Variants in ARHGAP25 observed in about 807,000 individuals in gnomAD.
ARHGAP25 encodes Rho GTPase activating protein 25, also known as rho GTPase-activating protein 25.
ARHGAP25 carries 34 observed loss-of-function variants against 71.0 expected under a neutral mutation model. The observed-to-expected ratio is 0.48, with a 90% CI of 0.36 to 0.64. ARHGAP25 has a LOEUF of 0.64. Ranked by LOEUF, ARHGAP25 falls within the 30% of genes least tolerant of loss-of-function variation. The pLI, the probability that ARHGAP25 is intolerant of heterozygous loss-of-function variation, is 0.00. For missense variants in ARHGAP25, 706 were observed against 805.1 expected, an observed-to-expected ratio of 0.88 and a Z score of 1.49; for synonymous variants, 282 against 296.5, an observed-to-expected ratio of 0.95 and a Z score of 0.50.
chr2:68,773,163 G>A (rs376325886), intron 1 of ARHGAP25, among the ~76,000 whole-genome samples: 24 of 152,286 alleles, frequency 1.6e-4, no homozygotes, highest in African/African-American at 5.5e-4. Flanking sequence ...ATATTGGACC[G>A]AAGGATGAAA....
chr2:68,737,422 GT>G (rs1158991331), intron 1 of ARHGAP25, among the ~76,000 whole-genome samples: 1 of 152,220 alleles, frequency 6.6e-6, no homozygotes, highest in East Asian at 1.9e-4. Context: ...GGGTTGGATA[GT>G]TTTTTGTTGT....
chr2:68,810,553 C>A, intron 5 of ARHGAP25, among the ~76,000 whole-genome samples: 1 of 152,072 alleles, frequency 6.6e-6, no homozygotes, highest in Non-Finnish European at 1.5e-5. Flanking sequence ...TAATTTTGCT[C>A]TTTTATTATA....
chr2:68,816,529 G>A (rs560838623), intron 7 of ARHGAP25, 167 bp downstream of exon 7: 31 of 635,850 alleles, frequency 4.9e-5, no homozygotes, highest in Non-Finnish European at 8.3e-5. Context: ...TAATTTCAAG[G>A]ATTCTGAAAA....
At chr2:68,729,553 A>G (rs1174500233) in intron 2 of ARHGAP25, among the ~76,000 whole-genome samples, 1 of 152,252 alleles carries the variant, frequency 6.6e-6, no homozygotes, top group African/African-American at 2.4e-5. Context: ...ACACATTAAA[A>G]AATAACTTTA....
chr2:68,769,032 C>T (rs962033418), intron 1 of ARHGAP25, among the ~76,000 whole-genome samples: 1 of 152,138 alleles, frequency 6.6e-6, no homozygotes, highest in African/African-American at 2.4e-5. Flanking sequence ...AAACCCCAGA[C>T]CTCACAAAAA....
At chr2:68,742,098 G>A (rs928819289) in intron 1 of ARHGAP25, among the ~76,000 whole-genome samples, 4 of 152,110 alleles carry the variant, frequency 2.6e-5, no homozygotes, top group South Asian at 2.1e-4. Context: ...GACAGCTGCC[G>A]CACTGTCTCC....
intron 1 of ARHGAP25, among the ~76,000 whole-genome samples, chr2:68,758,664 A>G (rs1676626942): frequency 6.6e-6 from 1 of 151,916 alleles, no homozygotes; most frequent in African/African-American, 2.4e-5. Context: ...ATAATGTTGG[A>G]GACTTCAATA....
At chr2:68,790,893 T>C (rs1679127184) in intron 4 of ARHGAP25, among the ~76,000 whole-genome samples, 1 of 152,156 alleles carries the variant, frequency 6.6e-6, no homozygotes, top group Admixed American at 6.5e-5. Flanking sequence ...CAGTGCACAG[T>C]CTGCCCACCG....
chr2:68,822,533 T>C lies in ARHGAP25; in HGVS notation c.1394T>C (p.Ile465Thr). 2 of 1,614,070 alleles carry C rather than the reference T, an allele frequency of 1.2e-6. No individual in the cohort carries two copies. The highest frequency in any genetic ancestry group is 1.7e-6 in the Non-Finnish European group (2 of 1,180,012). The stretch of plus-strand genomic sequence containing the variant: ...GGTGCCAACAGCAGCAAAATGGAGA[T>C]CTTTAAAAATGAATTCTGGTCGCCT... ...FQGANSSKME[I>T]FKNEFWSPSS... Residue 465 changes from isoleucine (I) to threonine (T), a missense_variant, in exon 10 of 11, where the codon ATC becomes ACC. By Grantham distance (89) the Ile-to-Thr change is moderately conservative (BLOSUM62 -1). Transcript: ENST00000409202.
chr2:68,822,582 A>G lies in ARHGAP25; in HGVS notation c.1443A>G (p.Glu481=). ...CTTCCTCAGAGGCTAAGGCAGGGGA[A>G]GGGCACAGGAGAACGATGTCTCAAG... ...WSPSSEAKAG[E]GHRRTMSQDL... is the part of the protein sequence containing the mutation. Residue 481 remains glutamate, a synonymous_variant, in exon 10 of 11, where the codon GAA becomes GAG. Transcript: ENST00000409202. The G allele has an allele frequency of 6.2e-7, 1 of 1,614,202 alleles. No individual in the cohort carries two copies. The highest frequency in any genetic ancestry group is 8.5e-7 in the Non-Finnish European group (1 of 1,180,052).
At chr2:68,721,069 G>T (rs368499808) in intron 2 of ARHGAP25, among the ~76,000 whole-genome samples, 1 of 152,018 alleles carries the variant, frequency 6.6e-6, no homozygotes, top group South Asian at 2.1e-4. Flanking sequence ...ACTTCTTGGG[G>T]GCAACTTCAA....
rs1675136199 is a variant in ARHGAP25, at chr2:68,735,119, G to A, written c.-81G>A. On this transcript the variant is annotated 5_prime_UTR_variant, in exon 1 of 11. Transcript: ENST00000409202. ...AACAAAAACAGACACAAAAACAGAG[G>A]GAAAGAGTGAAAAGACAAGAAGGGC... 2 of 1,187,288 alleles carry A rather than the reference G, an allele frequency of 1.7e-6. No individual in the cohort carries two copies. The highest frequency in any genetic ancestry group is 3.4e-5 in the Admixed American group (2 of 59,330). The allele number at this position is 1,187,288 out of a possible 1,614,324, so 73.5% of individuals were successfully genotyped here.
chr2:68,820,976 C>T (rs1681607732), intron 9 of ARHGAP25, among the ~76,000 whole-genome samples: 1 of 151,886 alleles, frequency 6.6e-6, no homozygotes, highest in Admixed American at 6.6e-5. Flanking sequence ...CATGTCAATA[C>T]ATAAACAGCT....
chr2:68,795,878 T>C (rs1418005996), intron 4 of ARHGAP25, among the ~76,000 whole-genome samples: 3 of 152,206 alleles, frequency 2.0e-5, no homozygotes, highest in Non-Finnish European at 4.4e-5. Flanking sequence ...ACTATTACTG[T>C]GTTGCTGTCA....
At chr2:68,768,325 G>A (rs1677259902) in intron 1 of ARHGAP25, among the ~76,000 whole-genome samples, 1 of 152,160 alleles carries the variant, frequency 6.6e-6, no homozygotes, top group Non-Finnish European at 1.5e-5. Flanking sequence ...CGTCCACTCT[G>A]CTCAAGTGGA....
At chr2:68,731,306 C>T (rs1029266377), upstream of ARHGAP25, among the ~76,000 whole-genome samples, 8 of 152,108 alleles carry the variant, frequency 5.3e-5, no homozygotes, top group African/African-American at 1.2e-4. Flanking sequence ...CTTCCAGTGA[C>T]GAGCTGGGAT....
In ARHGAP25 at chr2:68,814,749, C is replaced by T. The variant is rs148393872; in HGVS notation, c.807+1330C>T. Among the ~76,000 whole-genome samples the T allele has an allele frequency of 3.2e-3, 491 of 152,198 alleles. 3 individuals carry two copies. The highest frequency in any genetic ancestry group is 0.011 in the African/African-American group (448 of 41,524). ...GAGAGCATCATGATTTGAATAGATC[C>T]TGACATAAGAGAAAAGCTGACTTTA... On this transcript the variant is annotated intron_variant, in intron 6 of 10. Transcript: ENST00000409202.
intron 3 of ARHGAP25, among the ~76,000 whole-genome samples, chr2:68,784,695 G>A (rs527964767): frequency 1.3e-5 from 2 of 152,216 alleles, no homozygotes; most frequent in East Asian, 1.9e-4. Flanking sequence ...TCATTTGTAC[G>A]ACAAATTCAT....
chr2:68,777,626 T>C (rs1416628981), intron 2 of ARHGAP25, among the ~76,000 whole-genome samples: 1 of 152,208 alleles, frequency 6.6e-6, no homozygotes, highest in Non-Finnish European at 1.5e-5. Flanking sequence ...TCTATTGATA[T>C]AATACATCGG....
Sources: gnomAD v4.1 joint callset for allele counts (sites outside exome capture counted in the v4.1 genomes callset) on GRCh38, gnomAD v4.1.1 for gene constraint, MANE v1.5 for transcripts, NCBI Gene and HGNC (gene_info 2026-07-23, HGNC 2026-07-21) for gene names.